Variants in RIMS1 observed in about 807,000 individuals in gnomAD.
RIMS1 encodes regulating synaptic membrane exocytosis protein 1.
Under a neutral mutation model 214.1 loss-of-function variants are expected in RIMS1, and 83 were observed. That is an observed-to-expected ratio of 0.39 (90% confidence interval 0.32 to 0.47). RIMS1 has a LOEUF of 0.47. RIMS1 is among the 20% of genes least tolerant of loss of function. The pLI is 0.99. For missense variants in RIMS1, 2,050 were observed against 2,161.8 expected, an observed-to-expected ratio of 0.95 and a Z score of 1.03; for synonymous variants, 793 against 786.8, an observed-to-expected ratio of 1.01 and a Z score of -0.13.
At chr6:72,332,093 CA>C (rs977621495) in intron 28 of RIMS1, among the ~76,000 whole-genome samples, 1 of 151,676 alleles carries the variant, frequency 6.6e-6, no homozygotes, top group Non-Finnish European at 1.5e-5. Context: ...TACATAATCC[CA>C]ACACTTTCTG....
intron 2 of RIMS1, among the ~76,000 whole-genome samples, chr6:72,091,009 G>A (rs758089702): frequency 1.1e-4 from 16 of 152,182 alleles, no homozygotes; most frequent in Admixed American, 1.0e-3. Context: ...AAGGGAACGC[G>A]TGATGGCACT....
At chr6:72,394,912 G>A (rs1394519096) in intron 31 of RIMS1, among the ~76,000 whole-genome samples, 1 of 151,792 alleles carries the variant, frequency 6.6e-6, no homozygotes, top group Non-Finnish European at 1.5e-5. Context: ...CAGAGATAAA[G>A]TATCATATAA....
intron 21 of RIMS1, 144 bp downstream of exon 21, chr6:72,265,647 A>G (rs2080194094): frequency 7.1e-6 from 4 of 560,130 alleles, no homozygotes; most frequent in South Asian, 3.1e-5. Context: ...AATTTTAGGC[A>G]TTTTGTTTTA....
At chr6:72,077,439 A>T (rs1376830155) in intron 2 of RIMS1, among the ~76,000 whole-genome samples, 5 of 152,186 alleles carry the variant, frequency 3.3e-5, no homozygotes, top group Non-Finnish European at 7.4e-5. Context: ...TTATGTGTTG[A>T]ATTTATGAAT....
chr6:72,114,778 T>C (rs1234800300), intron 4 of RIMS1, among the ~76,000 whole-genome samples: 1 of 151,946 alleles, frequency 6.6e-6, no homozygotes, highest in Non-Finnish European at 1.5e-5. Context: ...TTTTAGGATA[T>C]GTTTCCTAAA....
intron 1 of RIMS1, among the ~76,000 whole-genome samples, chr6:71,900,008 G>A (rs775215505): frequency 2.6e-5 from 4 of 152,028 alleles, no homozygotes; most frequent in African/African-American, 7.2e-5. Context: ...AATCACCCAC[G>A]TAAAATTAAA....
chr6:72,315,836 A>G (rs1333570289), intron 28 of RIMS1, among the ~76,000 whole-genome samples: 2 of 152,208 alleles, frequency 1.3e-5, no homozygotes, highest in East Asian at 3.8e-4. Flanking sequence ...AGTCCTGTGA[A>G]CAAGCATTGC....
intron 2 of RIMS1, among the ~76,000 whole-genome samples, chr6:71,978,302 A>C (rs1797664215): frequency 6.6e-6 from 1 of 152,174 alleles, no homozygotes; most frequent in African/African-American, 2.4e-5. Context: ...CACTTGTATT[A>C]CTGTAGGTAT....
chr6:72,252,669 C>A, intron 15 of RIMS1, 92 bp from the exon 16 acceptor site: 3 of 935,586 alleles, frequency 3.2e-6, no homozygotes, highest in Non-Finnish European at 5.1e-6. Context: ...AGTAATAATG[C>A]AATTCACTTT....
chr6:71,944,650 T>C (rs1336660563), intron 1 of RIMS1, among the ~76,000 whole-genome samples: 1 of 152,144 alleles, frequency 6.6e-6, no homozygotes, highest in African/African-American at 2.4e-5. Flanking sequence ...GCTGGAGAAT[T>C]TTTATGAAAA....
chr6:71,981,276 A>G (rs1377252444), intron 2 of RIMS1, among the ~76,000 whole-genome samples: 1 of 152,132 alleles, frequency 6.6e-6, no homozygotes, highest in Non-Finnish European at 1.5e-5. Context: ...TCCATTTTAC[A>G]TATGAGGAAA....
intron 4 of RIMS1, among the ~76,000 whole-genome samples, chr6:72,120,530 T>C (rs2038044826): frequency 6.6e-6 from 1 of 152,064 alleles, no homozygotes; most frequent in Non-Finnish European, 1.5e-5. Context: ...TTTGTTAAAG[T>C]TCTTTGCAGA....
At chr6:72,107,523 T>C (rs1294982923) in intron 4 of RIMS1, among the ~76,000 whole-genome samples, 1 of 152,092 alleles carries the variant, frequency 6.6e-6, no homozygotes, top group African/African-American at 2.4e-5. Context: ...ATCGCATCAC[T>C]GTACTCCAGC....
intron 22 of RIMS1, chr6:72,266,262 G>A (rs2080485012): frequency 3.5e-6 from 2 of 570,858 alleles, no homozygotes; most frequent in African/African-American, 3.8e-5. Flanking sequence ...TTCTATGAAT[G>A]TTGTTGCAAA....
intron 1 of RIMS1, among the ~76,000 whole-genome samples, chr6:71,937,666 A>G (rs1784854522): frequency 6.6e-6 from 1 of 152,172 alleles, no homozygotes; most frequent in South Asian, 2.1e-4. Context: ...TGAGACAGAG[A>G]GGGAAAATGG....
chr6:71,915,953 C>A (rs1562186834), intron 1 of RIMS1, among the ~76,000 whole-genome samples: 1 of 151,984 alleles, frequency 6.6e-6, no homozygotes, highest in African/African-American at 2.4e-5. Flanking sequence ...TCTCATGAGA[C>A]TTATTCATTA....
intron 13 of RIMS1, 107 bp downstream of exon 13, chr6:72,250,567 G>T: frequency 1.3e-6 from 1 of 768,214 alleles, no homozygotes; most frequent in Non-Finnish European, 2.0e-6. Context: ...TAATTCTGAG[G>T]AGATAAAAGT....
At chr6:72,111,030 C>A (rs1281003895) in intron 4 of RIMS1, among the ~76,000 whole-genome samples, 2 of 152,108 alleles carry the variant, frequency 1.3e-5, no homozygotes, top group Non-Finnish European at 2.9e-5. Context: ...CAAAACTATT[C>A]TTTAAAAAGC....
rs148761797 is a variant in RIMS1, at chr6:72,055,352, A to T, written c.246-41597A>T. On this transcript the variant is annotated intron_variant, in intron 2 of 33. Coordinates refer to ENST00000521978, the MANE Select transcript of RIMS1 (RefSeq NM_014989.7). ...ATGAGGGAGATCTTAATCTTCCTTT[A>T]AAGATGAAGAAACTGATTCAAAGAT... Among the ~76,000 whole-genome samples the T allele has an allele frequency of 7.4e-3, 1,134 of 152,314 alleles. 10 individuals are homozygous for T. The highest frequency in any genetic ancestry group is 0.026 in the African/African-American group (1,071 of 41,568).
Sources: allele counts gnomAD v4.1 joint callset (sites outside exome capture counted in the v4.1 genomes callset), GRCh38; gene constraint gnomAD v4.1.1; transcripts MANE v1.5; gene names NCBI Gene and HGNC (gene_info 2026-07-23, HGNC 2026-07-21).